The following UTP25 variants were observed in gnomAD, a reference collection of about 807,000 sequenced individuals.
UTP25 encodes UTP25 small subunit processome component.
UTP25 carries 50 observed loss-of-function variants against 78.9 expected under a neutral mutation model. The ratio of observed to expected loss-of-function variants is 0.63; its 90% CI spans 0.50 to 0.80. The LOEUF (loss-of-function observed/expected upper bound fraction) is 0.80. UTP25 is among the 30% of genes least tolerant of loss of function. UTP25 has a pLI of 0.00. For synonymous variants in UTP25, 329 were observed against 336.5 expected, an observed-to-expected ratio of 0.98 and a Z score of 0.24; for missense variants, 846 against 911.3, an observed-to-expected ratio of 0.93 and a Z score of 0.92.
rs1045320708 is a variant in UTP25, at chr1:209,856,854, AG to A, written c.*5410del. 37 of 152,216 alleles carry A rather than the reference AG, an allele frequency of 2.4e-4. No individual in the cohort carries two copies. The highest frequency in any genetic ancestry group is 8.9e-4 in the African/African-American group (37 of 41,466). 9.4% of individuals were successfully genotyped at this position (152,216 alleles called of 1,614,324 possible). ...CATTCCACACTGGATCCATAGAACG[AG>A]GGAACACAAGTGTCTTCTCATAAGA... On this transcript the variant is annotated 3_prime_UTR_variant, in exon 12 of 12. Coordinates refer to ENST00000491415, the MANE Select transcript of UTP25 (RefSeq NM_014388.7).
chr1:209,841,120 G>C, intron 8 of UTP25, 65 bp downstream of exon 8: 2 of 1,546,118 alleles, frequency 1.3e-6, no homozygotes. Flanking sequence ...ACACCCAGTG[G>C]TTTAAGTCCT....
intron 3 of UTP25, among the ~76,000 whole-genome samples, chr1:209,832,348 C>T (rs1182929000): frequency 6.6e-6 from 1 of 152,128 alleles, no homozygotes; most frequent in African/African-American, 2.4e-5. Context: ...TAACTTCCTA[C>T]ATCTGTGACT....
At chr1:209,847,212 C>T (rs1047242836) in intron 11 of UTP25, among the ~76,000 whole-genome samples, 5 of 152,074 alleles carry the variant, frequency 3.3e-5, no homozygotes, top group African/African-American at 7.2e-5. Flanking sequence ...CTATATATAG[C>T]TCTACGACAT....
chr1:209,832,551 T>C (rs1365929817), intron 3 of UTP25, among the ~76,000 whole-genome samples: 1 of 152,248 alleles, frequency 6.6e-6, no homozygotes, highest in Non-Finnish European at 1.5e-5. Context: ...AGTGGGTATA[T>C]TAATTCGAAA....
rs2078239699 is a variant in UTP25, at chr1:209,851,663, A to C, written c.*216A>C. On this transcript the variant is annotated 3_prime_UTR_variant, in exon 12 of 12. Transcript: ENST00000491415. Reference sequence around the variant, plus strand: ...GGTAAATCCCATCTTTCAGAAGTGAAGAGGGGGCTAGAAGGACTCTGAGAA... The same window carrying C: ...GGTAAATCCCATCTTTCAGAAGTGACGAGGGGGCTAGAAGGACTCTGAGAA... 1 of 470,304 alleles carries C rather than the reference A, an allele frequency of 2.1e-6. No homozygotes were observed. Among genetic ancestry groups the C allele is most frequent in the Admixed American group, 4.0e-5 (1 of 24,990 alleles). The allele number at this position is 470,304 out of a possible 1,614,324, so 29.1% of individuals were successfully genotyped here. A position where few individuals can be genotyped will look rare whatever the true frequency, so the allele number is the denominator to read the frequency against.
In UTP25 at chr1:209,838,935, A is replaced by G. The variant is rs1419034628; in HGVS notation, c.1089A>G (p.Glu363=). The G allele has an allele frequency of 6.2e-7, 1 of 1,614,016 alleles. No individual in the cohort carries two copies. The highest frequency in any genetic ancestry group is 8.5e-7 in the Non-Finnish European group (1 of 1,179,996). ...PKVLIVVPFR[E]AALRVVQLFI... ...TACTGATAGTGGTGCCATTCCGGGA[A>G]GCTGCTTTGCGGGTGGTGCAGCTCT... The change falls in exon 7 of 12, where the codon GAA becomes GAG. Residue 363 remains glutamate (E), a synonymous_variant. Transcript: ENST00000491415.
Position 209,830,906 on chromosome 1 carries a change from A to G in UTP25, c.251A>G (p.Glu84Gly), listed in dbSNP as rs1215665281. 1.9e-6 allele frequency: 3 copies of G among 1,613,948 alleles called. No individual in the cohort carries two copies. Among genetic ancestry groups the G allele is most frequent in the South Asian group, 1.1e-5 (1 of 91,084 alleles). The change falls in exon 3 of 12, where the codon GAG (glutamate) becomes GGG (glycine). Residue 84 changes from glutamate to glycine, a missense_variant. Physicochemically the swap from Glu to Gly is moderately conservative, Grantham distance 98. Coordinates refer to ENST00000491415, the MANE Select transcript of UTP25 (RefSeq NM_014388.7). ...RLLATLKNVSEEEEEDEEEEE... is the reference protein window; with the variant it reads ...RLLATLKNVSGEEEEDEEEEE... ...CTTGCTACATTAAAGAATGTTTCTGAGGAAGAAGAGGAAGATGAGGAGGAG... is the reference window on the plus strand; with the variant it reads ...CTTGCTACATTAAAGAATGTTTCTGGGGAAGAAGAGGAAGATGAGGAGGAG...
rs1208999242 is a variant in UTP25, at chr1:209,852,999, TAC to T, written c.*1554_*1555del. 1 of 152,192 alleles carries T rather than the reference TAC, an allele frequency of 6.6e-6. No homozygotes were observed. Among genetic ancestry groups the T allele is most frequent in the Non-Finnish European group, 1.5e-5 (1 of 68,036 alleles). The allele number at this position is 152,192 out of a possible 1,614,324, so 9.4% of individuals were successfully genotyped here. A position where few individuals can be genotyped will look rare whatever the true frequency, so the allele number is the denominator to read the frequency against. ...CCTCAATGTAATAACCCATGATTGG[TAC>T]AGATTTTTTTTATCCTTGGGCACGC... is the stretch of plus-strand genomic sequence containing the variant. On this transcript the variant is annotated 3_prime_UTR_variant, in exon 12 of 12. Coordinates refer to ENST00000491415, the MANE Select transcript of UTP25 (RefSeq NM_014388.7).
intron 4 of UTP25, among the ~76,000 whole-genome samples, chr1:209,834,795 G>A (rs2078123945): frequency 6.6e-6 from 1 of 152,212 alleles, no homozygotes; most frequent in Non-Finnish European, 1.5e-5. Context: ...AAATGATAAC[G>A]GAGATGCAGG....
chr1:209,853,763 C>T lies in UTP25; in HGVS notation c.*2316C>T, dbSNP rs2078254934. 6.6e-6 allele frequency: 1 copy of T among 152,234 alleles called. No individual in the cohort carries two copies. The highest frequency in any genetic ancestry group is 2.1e-4 in the South Asian group (1 of 4,836). The allele number at this position is 152,234 out of a possible 1,614,324, so 9.4% of individuals were successfully genotyped here. A position where few individuals can be genotyped will look rare whatever the true frequency, so the allele number is the denominator to read the frequency against. On this transcript the variant is annotated 3_prime_UTR_variant, in exon 12 of 12. Coordinates refer to ENST00000491415, the MANE Select transcript of UTP25 (RefSeq NM_014388.7). ...CACACGACTCCCAAATCTCCAGCTT[C>T]TCTGGCTCTCCACTCACATGTGAGT...
chr1:209,829,029 C>T (rs993165577), intron 1 of UTP25, among the ~76,000 whole-genome samples: 7 of 152,070 alleles, frequency 4.6e-5, no homozygotes, highest in Admixed American at 4.6e-4. Context: ...CCGCCTTGGC[C>T]TCCCAAAGTG....
At chr1:209,832,637 C>T (rs985443188) in intron 3 of UTP25, among the ~76,000 whole-genome samples, 1 of 152,208 alleles carries the variant, frequency 6.6e-6, no homozygotes, top group Non-Finnish European at 1.5e-5. Flanking sequence ...AATCCCAACA[C>T]TTTGGGAGGC....
intron 11 of UTP25, among the ~76,000 whole-genome samples, chr1:209,846,258 G>C (rs2078196338): frequency 6.6e-6 from 1 of 152,166 alleles, no homozygotes; most frequent in Non-Finnish European, 1.5e-5. Context: ...TTTTGAGTTA[G>C]CAAAAATTTT....
chr1:209,837,313 C>G, intron 6 of UTP25, 102 bp downstream of exon 6: 1 of 1,351,350 alleles, frequency 7.4e-7, no homozygotes. Flanking sequence ...TAATAATTGA[C>G]TGGCATAATG....
In UTP25 at chr1:209,831,004, G is replaced by C. The variant is rs766987665; in HGVS notation, c.349G>C (p.Glu117Gln). The change falls in exon 3 of 12, where the codon GAA (glutamate) becomes CAA (glutamine). Residue 117 changes from glutamate (E) to glutamine (Q), a missense_variant. Physicochemically the swap from Glu to Gln is conservative, Grantham distance 29 (BLOSUM62 2). Transcript: ENST00000491415. ...DEDGGSDVSV[E>Q]EEMAAESTES... ...AGATGGTGGTAGCGATGTCAGTGTGGAAGAAGAGATGGCTGCAGAGTCTAC... is the reference window on the plus strand; with the variant it reads ...AGATGGTGGTAGCGATGTCAGTGTGCAAGAAGAGATGGCTGCAGAGTCTAC... 8 of 1,614,112 alleles carry C rather than the reference G, an allele frequency of 5.0e-6. No homozygotes were observed. In the East Asian group the frequency reaches 1.8e-4, roughly 36 times the overall value.
At chr1:209,840,786 G>A in intron 7 of UTP25, 67 bp from the exon 8 acceptor site, 1 of 1,503,870 alleles carries the variant, frequency 6.6e-7, no homozygotes, top group Non-Finnish European at 9.2e-7. Context: ...GGACTGCTTT[G>A]AGAGGGTGGA....
intron 4 of UTP25, among the ~76,000 whole-genome samples, chr1:209,833,954 G>T (rs2078117649): frequency 6.6e-6 from 1 of 152,132 alleles, no homozygotes; most frequent in African/African-American, 2.4e-5. Flanking sequence ...AAGTCAGGTT[G>T]GTCTCGTTCT....
chr1:209,831,765 A>C (rs1228724135), intron 3 of UTP25, among the ~76,000 whole-genome samples: 1 of 152,198 alleles, frequency 6.6e-6, no homozygotes, highest in Non-Finnish European at 1.5e-5. Context: ...GCCTTCTGTC[A>C]CTGTAGATTA....
rs1558050138 is a variant in UTP25 at position 209,828,072 on chromosome 1, A to T, written c.9A>T (p.Lys3Asn). Reference protein sequence around the residue: MGKRGSRSQSQLL... With the variant: MGNRGSRSQSQLL... ...AACTTGACGTTTTCGCTATGGGCAA[A>T]CGCGGGAGCCGGAGCCAGAGCCAGC... The change falls in exon 1 of 12, where the codon AAA becomes AAT. Residue 3 changes from lysine to asparagine, a missense_variant. Physicochemically the swap from Lys to Asn is moderately conservative, Grantham distance 94. Transcript: ENST00000491415. 1 of 1,614,094 alleles carries T rather than the reference A, an allele frequency of 6.2e-7. No individual in the cohort carries two copies.
Sources: gnomAD v4.1 joint callset for allele counts (sites outside exome capture counted in the v4.1 genomes callset) on GRCh38, gnomAD v4.1.1 for gene constraint, MANE v1.5 for transcripts, NCBI Gene and HGNC (gene_info 2026-07-23, HGNC 2026-07-21) for gene names.